The following MTX2 variants were observed in gnomAD, a reference collection of about 807,000 sequenced individuals.
MTX2 encodes metaxin-2.
A neutral mutation model predicts 42.3 loss-of-function variants in MTX2; 35 were observed. That is an observed-to-expected ratio of 0.83 (90% confidence interval 0.63 to 1.10). The LOEUF (loss-of-function observed/expected upper bound fraction) is 1.10. MTX2 is among the 50% of genes least tolerant of loss of function. The pLI is 0.00. For missense variants in MTX2, 307 were observed against 304.1 expected (o/e 1.01, Z -0.07); for synonymous variants, 119 against 100.9 (o/e 1.18, Z -1.08).
At chr2:176,283,859 A>G (rs1461222218) in intron 1 of MTX2, among the ~76,000 whole-genome samples, 3 of 152,160 alleles carry the variant, frequency 2.0e-5, no homozygotes, top group African/African-American at 4.8e-5. Flanking sequence ...TTTTTTGGCC[A>G]GATGGATTAG....
intron 1 of MTX2, among the ~76,000 whole-genome samples, chr2:176,280,637 C>T (rs994685214): frequency 2.0e-5 from 3 of 152,154 alleles, no homozygotes; most frequent in Non-Finnish European, 4.4e-5. Context: ...CAATAAGCAA[C>T]ATCGAGTTCC....
chr2:176,323,746 A>C (rs1351739143), intron 4 of MTX2, among the ~76,000 whole-genome samples: 1 of 151,752 alleles, frequency 6.6e-6, no homozygotes, highest in Non-Finnish European at 1.5e-5. Context: ...ACATGATCTC[A>C]GATTTCCCTA....
At chr2:176,272,309 T>G (rs2105390438) in intron 1 of MTX2, among the ~76,000 whole-genome samples, 1 of 152,188 alleles carries the variant, frequency 6.6e-6, no homozygotes, top group African/African-American at 2.4e-5. Flanking sequence ...GGAACAAAGT[T>G]TGTTAGACTA....
intron 1 of MTX2, among the ~76,000 whole-genome samples, chr2:176,287,754 A>ACTT (rs748304169): frequency 3.9e-5 from 6 of 152,084 alleles, no homozygotes; most frequent in Non-Finnish European, 8.8e-5. Context: ...TGTGTCTAAT[A>ACTT]CTTCTCTATT....
rs755031428 is a variant in MTX2, at chr2:176,326,852, A to G, written c.236A>G (p.Asn79Ser). 3 of 1,574,184 alleles carry G rather than the reference A, an allele frequency of 1.9e-6. No homozygotes were observed. In the South Asian group the frequency reaches 3.5e-5, roughly 18 times the overall value. The change falls in exon 5 of 10, where the codon AAT (asparagine) becomes AGT (serine). Residue 79 changes from asparagine to serine, a missense_variant. By Grantham distance (46) the Asn-to-Ser change is conservative (BLOSUM62 1). Transcript: ENST00000249442. ...SGKVPFIHVG[N>S]QVVSELGPIV... is the part of the protein sequence containing the mutation. ...AAAGTACCTTTTATTCATGTGGGAA[A>G]TCAAGTAGTATCAGAACTTGGTCCA...
chr2:176,309,720 CTTTTTTTTTT>C (rs745705028), intron 3 of MTX2, among the ~76,000 whole-genome samples: 57 of 98,560 alleles, frequency 5.8e-4, no homozygotes, highest in African/African-American at 2.5e-3. Flanking sequence ...GCAACCTCTG[CTTTTTTTTTT>C]TTTTTTTTTT....
At chr2:176,313,195 A>G (rs1684357024) in intron 3 of MTX2, among the ~76,000 whole-genome samples, 1 of 151,822 alleles carries the variant, frequency 6.6e-6, no homozygotes, top group South Asian at 2.1e-4. Flanking sequence ...TTTTTGAATT[A>G]CTCTGTGTCA....
intron 1 of MTX2, among the ~76,000 whole-genome samples, chr2:176,283,830 G>T (rs1693133941): frequency 6.6e-6 from 1 of 152,100 alleles, no homozygotes; most frequent in African/African-American, 2.4e-5. Context: ...ACAGTTGTGT[G>T]GGGCTGTTTT....
intron 1 of MTX2, among the ~76,000 whole-genome samples, chr2:176,276,418 TAAC>T (rs1692946545): frequency 6.6e-6 from 1 of 152,188 alleles, no homozygotes; most frequent in Non-Finnish European, 1.5e-5. Context: ...TTGCTAATAA[TAAC>T]AATTTGGTCT....
At chr2:176,285,035 T>C (rs1693163097) in intron 1 of MTX2, among the ~76,000 whole-genome samples, 1 of 152,212 alleles carries the variant, frequency 6.6e-6, no homozygotes, top group Non-Finnish European at 1.5e-5. Context: ...ATTGCTTTAA[T>C]TCTAATAATT....
intron 1 of MTX2, among the ~76,000 whole-genome samples, chr2:176,281,578 C>T (rs569952749): frequency 6.6e-6 from 1 of 152,242 alleles, no homozygotes; most frequent in East Asian, 1.9e-4. Flanking sequence ...GCATCACTTC[C>T]ACAATATTCT....
chr2:176,277,866 C>CT (rs1481529793), intron 1 of MTX2, among the ~76,000 whole-genome samples: 5 of 151,756 alleles, frequency 3.3e-5, no homozygotes, highest in Admixed American at 1.3e-4. Flanking sequence ...TATGAATAAT[C>CT]TTACACAGTT....
intron 9 of MTX2, among the ~76,000 whole-genome samples, chr2:176,332,329 T>TAGCAGGAG (rs1395702916): frequency 2.6e-5 from 4 of 151,364 alleles, no homozygotes; most frequent in Non-Finnish European, 5.9e-5. Context: ...CCTTTATCTG[T>TAGCAGGAG]AGCAGGAGTC....
At chr2:176,323,302 T>C in intron 3 of MTX2, 90 bp from the exon 4 acceptor site, 1 of 1,062,498 alleles carries the variant, frequency 9.4e-7, no homozygotes, top group Non-Finnish European at 1.4e-6. Context: ...AGTATGAAAC[T>C]ATTCAGTTTA....
At chr2:176,270,721 C>T (rs572393457) in intron 1 of MTX2, among the ~76,000 whole-genome samples, 5 of 151,970 alleles carry the variant, frequency 3.3e-5, no homozygotes, top group Non-Finnish European at 5.9e-5. Flanking sequence ...TTTTTTCCTT[C>T]TTCACTTAAA....
chr2:176,329,059 A>C, intron 7 of MTX2, 147 bp downstream of exon 7: 1 of 886,276 alleles, frequency 1.1e-6, no homozygotes, highest in Non-Finnish European at 1.7e-6. Flanking sequence ...TTGCTTGCAC[A>C]TAACATTTTA....
rs116590350 is a variant in MTX2 at position 176,285,964 on chromosome 2, C to T, written c.41-10896C>T. ...TTTAACATTTTGAGAAATTGCCAAA[C>T]ATTTCATGGTCCCATCAGCAACGTG... On this transcript the variant is annotated intron_variant, in intron 1 of 9. Transcript: ENST00000249442. Among the ~76,000 whole-genome samples the T allele has an allele frequency of 2.8e-3, 427 of 152,248 alleles. 3 individuals carry two copies. Among genetic ancestry groups the T allele is most frequent in the African/African-American group, 9.8e-3 (408 of 41,538 alleles).
intron 1 of MTX2, among the ~76,000 whole-genome samples, chr2:176,289,179 A>T (rs1321521494): frequency 6.6e-6 from 1 of 152,088 alleles, no homozygotes; most frequent in Non-Finnish European, 1.5e-5. Context: ...AAAATGAATG[A>T]GAAGCAAATA....
intron 1 of MTX2, among the ~76,000 whole-genome samples, chr2:176,295,012 TTTAA>T (rs1468008954): frequency 1.3e-5 from 2 of 152,202 alleles, no homozygotes; most frequent in Non-Finnish European, 2.9e-5. Flanking sequence ...TGAGTAAAAC[TTTAA>T]TTAGCCAGCA....
Sources: allele counts gnomAD v4.1 joint callset (sites outside exome capture counted in the v4.1 genomes callset), GRCh38; gene constraint gnomAD v4.1.1; transcripts MANE v1.5; gene names NCBI Gene and HGNC (gene_info 2026-07-23, HGNC 2026-07-21).